Variants in STIL observed in about 807,000 individuals in gnomAD.
STIL encodes STIL centriolar assembly protein.
In STIL, 55 loss-of-function variants were observed where a neutral mutation model predicts 110.1. The ratio of observed to expected loss-of-function variants is 0.50; its 90% CI spans 0.40 to 0.63. The LOEUF is 0.63. STIL is among the 20% of genes least tolerant of loss of function. The pLI, the probability that STIL is intolerant of heterozygous loss-of-function variation, is 0.00. For synonymous variants in STIL, 481 were observed against 530.0 expected (o/e 0.91, Z 1.27); for missense variants, 1,358 against 1,530.0 (o/e 0.89, Z 1.87).
intron 8 of STIL, among the ~76,000 whole-genome samples, chr1:47,293,124 C>G (rs1338793317): frequency 1.3e-5 from 2 of 152,262 alleles, no homozygotes; most frequent in East Asian, 3.9e-4. Context: ...CAAATCCAAA[C>G]TCATTTGCAG....
At chr1:47,297,065 T>A (rs1645660892) in intron 6 of STIL, among the ~76,000 whole-genome samples, 1 of 152,160 alleles carries the variant, frequency 6.6e-6, no homozygotes. Flanking sequence ...TCAGGCTGGC[T>A]GGGCCCAGTG....
Position 47,251,045 on chromosome 1 carries a change from T to C in STIL, c.*91A>G, listed in dbSNP as rs1644168103. ...CTACCAAGAAACAGTGACTCCAGAA[T>C]GATCAGGAGCCTTGTGGTAGGCTCC... On this transcript the variant is annotated 3_prime_UTR_variant, in exon 17 of 17. Coordinates refer to ENST00000371877, the MANE Select transcript of STIL (RefSeq NM_001048166.1). 2.3e-6 allele frequency: 3 copies of C among 1,279,932 alleles called. No homozygotes were observed. The highest frequency in any genetic ancestry group is 1.5e-5 in the African/African-American group (1 of 66,568). The allele number at this position is 1,279,932 out of a possible 1,614,324, so 79.3% of individuals were successfully genotyped here.
chr1:47,252,927 A>G (rs539291658), intron 16 of STIL, among the ~76,000 whole-genome samples: 1 of 151,930 alleles, frequency 6.6e-6, no homozygotes, highest in Non-Finnish European at 1.5e-5. Context: ...AATAGCTGCT[A>G]ATTTTTTTTT....
At position 47,280,919 on chromosome 1, in the gene STIL, T is replaced by C. The variant is rs751463536; in HGVS notation, c.1539A>G (p.Lys513=). 1.2e-6 allele frequency: 2 copies of C among 1,614,096 alleles called. No homozygotes were observed. The highest frequency in any genetic ancestry group is 1.7e-6 in the Non-Finnish European group (2 of 1,180,038). The change falls in exon 12 of 17, where the codon AAA becomes AAG. Residue 513 remains lysine, a synonymous_variant. Transcript: ENST00000371877. ...TACTGTTCCTGGTATGGGGGTTCCC[T>C]TTCTTATAGGCAGGTGGCTGTCTTA... ...CKVRQPPAYK[K]GNPHTRNSIK...
intron 8 of STIL, among the ~76,000 whole-genome samples, chr1:47,289,963 TAA>T (rs1645433314): frequency 7.3e-6 from 1 of 136,662 alleles, no homozygotes; most frequent in Admixed American, 7.3e-5. Context: ...AAAAAAGGAA[TAA>T]GAGAGCAATT....
At chr1:47,256,447 C>A (rs1280548364) in intron 16 of STIL, among the ~76,000 whole-genome samples, 1 of 150,932 alleles carries the variant, frequency 6.6e-6, no homozygotes, top group African/African-American at 2.4e-5. Flanking sequence ...ATAGTGAAAC[C>A]CCGTCTCTAC....
chr1:47,269,228 A>G (rs984472437), intron 14 of STIL, among the ~76,000 whole-genome samples: 1 of 152,172 alleles, frequency 6.6e-6, no homozygotes, highest in African/African-American at 2.4e-5. Flanking sequence ...ATAGCCAAAG[A>G]CTGACATCTG....
At position 47,280,496 on chromosome 1, in the gene STIL, A is replaced by T; in HGVS notation, c.1962T>A (p.Asn654Lys). ...TAGGACTACTTGAAGAACAGAATGC[A>T]TTACAGTACAGGGCTGGACATCCAC... is the stretch of plus-strand genomic sequence containing the variant. ...HPSGCPALYC[N>K]AFCSSSSPIA... is the part of the protein sequence containing the mutation. Residue 654 changes from asparagine (N) to lysine (K), a missense_variant, in exon 12 of 17, where the codon AAT becomes AAA. By Grantham distance (94) the Asn-to-Lys change is moderately conservative (BLOSUM62 0). Coordinates refer to ENST00000371877, the MANE Select transcript of STIL (RefSeq NM_001048166.1). 6.2e-7 allele frequency: 1 copy of T among 1,614,254 alleles called. No individual in the cohort carries two copies. Among genetic ancestry groups the T allele is most frequent in the South Asian group, 1.1e-5 (1 of 91,086 alleles).
chr1:47,296,130 C>A (rs1645635914), intron 6 of STIL, among the ~76,000 whole-genome samples: 2 of 152,178 alleles, frequency 1.3e-5, no homozygotes, highest in Admixed American at 6.5e-5. Flanking sequence ...ACTTTACTTA[C>A]AATTTACTTT....
At chr1:47,308,717 G>A (rs1646038393) in intron 2 of STIL, among the ~76,000 whole-genome samples, 2 of 151,670 alleles carry the variant, frequency 1.3e-5, no homozygotes, top group Admixed American at 6.6e-5. Context: ...ACAGCAGGGT[G>A]ACTATAGTCA....
At chr1:47,294,107 A>C (rs1227208201) in intron 7 of STIL, among the ~76,000 whole-genome samples, 1 of 152,198 alleles carries the variant, frequency 6.6e-6, no homozygotes, top group African/African-American at 2.4e-5. Context: ...ATTCTCATTC[A>C]CTTTGCATGT....
intron 7 of STIL, among the ~76,000 whole-genome samples, chr1:47,294,325 C>T (rs1476376770): frequency 6.6e-6 from 1 of 152,202 alleles, no homozygotes; most frequent in Non-Finnish European, 1.5e-5. Context: ...AATGTTTTAT[C>T]ACCTCACTTT....
intron 12 of STIL, among the ~76,000 whole-genome samples, chr1:47,275,323 T>C (rs1644959018): frequency 6.6e-6 from 1 of 150,742 alleles, no homozygotes; most frequent in South Asian, 2.1e-4. Flanking sequence ...AAAGATTTTT[T>C]TTTTGCTGGG....
At chr1:47,314,472 G>C (rs554822632), upstream of STIL, among the ~76,000 whole-genome samples, 1 of 152,234 alleles carries the variant, frequency 6.6e-6, no homozygotes, top group African/African-American at 2.4e-5. Flanking sequence ...ACGGAGGAGC[G>C]AGTGGCAGAT....
Position 47,262,963 on chromosome 1 carries a change from A to G in STIL, c.2769T>C (p.His923=), listed in dbSNP as rs1644527858. The G allele has an allele frequency of 1.9e-6, 3 of 1,614,160 alleles. No homozygotes were observed. The highest frequency in any genetic ancestry group is 1.3e-5 in the African/African-American group (1 of 75,044). Residue 923 remains histidine (H), a synonymous_variant, in exon 15 of 17, where the codon CAT becomes CAC. Transcript: ENST00000371877. ...SETSEEPKIE[H]VMQPLLHQPS... The stretch of plus-strand genomic sequence containing the variant: ...GTTGATGAAGCAAGGGTTGCATTAC[A>G]TGCTCAATTTTTGGTTCCTCTGATG...
intron 3 of STIL, among the ~76,000 whole-genome samples, chr1:47,304,530 C>A (rs1479153805): frequency 6.6e-6 from 1 of 152,176 alleles, no homozygotes; most frequent in Admixed American, 6.6e-5. Context: ...CTAGATGTAA[C>A]TACAAGATTT....
chr1:47,254,180 C>CCAA (rs1289727527), intron 16 of STIL, among the ~76,000 whole-genome samples: 2 of 61,408 alleles, frequency 3.3e-5, no homozygotes, highest in Admixed American at 2.8e-4. Flanking sequence ...GACTCTGTCT[C>CCAA]AAAAAAAAAA....
At chr1:47,304,795 G>T in intron 3 of STIL, 94 bp downstream of exon 3, 1 of 969,084 alleles carries the variant, frequency 1.0e-6, no homozygotes, top group South Asian at 1.5e-5. Flanking sequence ...AAAGAAAAAT[G>T]AATAATTGGT....
chr1:47,272,377 A>G (rs1487360812), intron 12 of STIL, 136 bp from the exon 13 acceptor site: 5 of 841,376 alleles, frequency 5.9e-6, no homozygotes, highest in Non-Finnish European at 9.6e-6. Context: ...TTTCAACTAG[A>G]CCATACCATG....
Sources: gnomAD v4.1 joint callset for allele counts (sites outside exome capture counted in the v4.1 genomes callset) on GRCh38, gnomAD v4.1.1 for gene constraint, MANE v1.5 for transcripts, NCBI Gene and HGNC (gene_info 2026-07-23, HGNC 2026-07-21) for gene names.